The following CSMD1 variants were observed in gnomAD, a reference collection of about 807,000 sequenced individuals.
CSMD1 encodes CUB and Sushi multiple domains 1.
CSMD1 carries 213 observed loss-of-function variants against 417.5 expected under a neutral mutation model. The observed-to-expected ratio is 0.51, with a 90% CI of 0.46 to 0.57. The LOEUF is 0.57. Ranked by LOEUF, CSMD1 falls within the 20% of genes least tolerant of loss-of-function variation. CSMD1 has a pLI of 0.00. For synonymous variants in CSMD1, 2,862 were observed against 1,736.8 expected (o/e 1.65, Z -16.11); for missense variants, 6,923 against 4,529.7 (o/e 1.53, Z -15.17).
At chr8:3,795,914 ATATAGATATC>A (rs1800065857) in intron 5 of CSMD1, among the ~76,000 whole-genome samples, 1 of 50,208 alleles carries the variant, frequency 2.0e-5, no homozygotes. Context: ...TCATGTACAG[ATATAGATATC>A]TATCATGTAC....
chr8:4,789,549 A>G (rs1430442532), intron 1 of CSMD1, among the ~76,000 whole-genome samples: 1 of 152,180 alleles, frequency 6.6e-6, no homozygotes, highest in Non-Finnish European at 1.5e-5. Flanking sequence ...GGGATCTACC[A>G]CCAAAGCTTT....
intron 33 of CSMD1, among the ~76,000 whole-genome samples, chr8:3,194,779 A>T (rs1158645876): frequency 6.6e-6 from 1 of 151,974 alleles, no homozygotes; most frequent in Non-Finnish European, 1.5e-5. Context: ...CTAATTAACT[A>T]TATTTCCATG....
At chr8:3,286,468 C>G (rs978932707) in intron 25 of CSMD1, among the ~76,000 whole-genome samples, 8 of 152,110 alleles carry the variant, frequency 5.3e-5, no homozygotes, top group Non-Finnish European at 1.2e-4. Flanking sequence ...TCCTATTTCT[C>G]CACATCCTCT....
At chr8:3,632,819 G>C (rs1003634974) in intron 7 of CSMD1, among the ~76,000 whole-genome samples, 10 of 152,174 alleles carry the variant, frequency 6.6e-5, no homozygotes, top group Non-Finnish European at 8.8e-5. Flanking sequence ...AGACATCTGT[G>C]TCTATTGGTT....
chr8:3,891,351 G>T lies in CSMD1; in HGVS notation c.818+106552C>A, dbSNP rs560872369. On this transcript the variant is annotated intron_variant, in intron 5 of 69. Transcript: ENST00000635120. ...AGGCGTGAGCCACCGCGCCTATCCT[G>T]AGCAGGTTCTTGAAATTAGGTCAAT... Among the ~76,000 whole-genome samples the T allele has an allele frequency of 9.9e-5, 15 of 152,178 alleles. No individual in the cohort carries two copies. In the South Asian group the frequency reaches 3.1e-3, roughly 32 times the overall value.
At chr8:3,490,568 G>A (rs755167961) in intron 11 of CSMD1, among the ~76,000 whole-genome samples, 6 of 152,096 alleles carry the variant, frequency 3.9e-5, no homozygotes, top group Admixed American at 6.5e-5. Flanking sequence ...GTGTTTGCAT[G>A]CATTATTTCA....
rs567893428 is a variant in CSMD1, at chr8:4,640,373, G to A, written c.86-2815C>T. On this transcript the variant is annotated intron_variant, in intron 1 of 69. Coordinates refer to ENST00000635120, the MANE Select transcript of CSMD1 (RefSeq NM_033225.6). ...TGTATTTGGTCTGCAACTTAATACTGCATCTTATTATAAAGCCACCGTGAT... is the reference window on the plus strand; with the variant it reads ...TGTATTTGGTCTGCAACTTAATACTACATCTTATTATAAAGCCACCGTGAT... Among the ~76,000 whole-genome samples, 11 of 152,274 alleles carry A rather than the reference G, an allele frequency of 7.2e-5. No individual in the cohort carries two copies. The South Asian group carries it at 1.9e-3, about 26-fold the overall frequency.
intron 4 of CSMD1, among the ~76,000 whole-genome samples, chr8:4,016,777 G>T (rs1235232712): frequency 1.3e-5 from 2 of 152,202 alleles, no homozygotes; most frequent in Non-Finnish European, 2.9e-5. Context: ...AAGTTTATGT[G>T]TATAGTTGGG....
chr8:4,877,964 A>G (rs1338634112), intron 1 of CSMD1, among the ~76,000 whole-genome samples: 1 of 152,084 alleles, frequency 6.6e-6, no homozygotes, highest in Non-Finnish European at 1.5e-5. Context: ...CTATAATCCA[A>G]ACACATATGT....
chr8:4,073,635 A>G (rs558185419), intron 3 of CSMD1, among the ~76,000 whole-genome samples: 87 of 152,258 alleles, frequency 5.7e-4, no homozygotes, highest in African/African-American at 2.0e-3. Context: ...AATTTTAATG[A>G]ATTTATTCTG....
chr8:3,698,162 G>A (rs1800660014), intron 7 of CSMD1, among the ~76,000 whole-genome samples: 1 of 152,142 alleles, frequency 6.6e-6, no homozygotes, highest in African/African-American at 2.4e-5. Context: ...CTAGACAGCA[G>A]TCCCCTTCAC....
intron 5 of CSMD1, among the ~76,000 whole-genome samples, chr8:3,892,039 A>G (rs1423694529): frequency 6.6e-6 from 1 of 152,172 alleles, no homozygotes; most frequent in African/African-American, 2.4e-5. Flanking sequence ...AAAAAAAAAA[A>G]TTAAGGAAAG....
At position 3,396,264 on chromosome 8, in the gene CSMD1, C is replaced by T. The variant is rs750101271; in HGVS notation, c.2523G>A (p.Gly841=). The T allele has an allele frequency of 3.1e-6, 5 of 1,588,544 alleles. No individual in the cohort carries two copies. The highest frequency in any genetic ancestry group is 2.3e-5 in the South Asian group (2 of 86,920). The part of the protein sequence containing the change: ...TQAPQFLIST[G]NFMYLLFTTD... ...TGGTGAACAGCAGGTACATGAAGTTCCCGGTGCTGATGAGGAACTGGGGTG... is the reference window on the plus strand; with the variant it reads ...TGGTGAACAGCAGGTACATGAAGTTTCCGGTGCTGATGAGGAACTGGGGTG... Residue 841 remains glycine (G), a synonymous_variant, in exon 17 of 70, where the codon GGG becomes GGA. Transcript: ENST00000635120.
intron 3 of CSMD1, among the ~76,000 whole-genome samples, chr8:4,176,350 A>G (rs1013611940): frequency 1.2e-4 from 19 of 152,158 alleles, no homozygotes; most frequent in African/African-American, 4.6e-4. Flanking sequence ...TTGAAAATAA[A>G]TTAGTATGAC....
chr8:4,411,544 T>C (rs570103303), intron 3 of CSMD1, among the ~76,000 whole-genome samples: 1 of 152,330 alleles, frequency 6.6e-6, no homozygotes, highest in African/African-American at 2.4e-5. Flanking sequence ...CTCTATAGTA[T>C]TCATTAATTA....
At chr8:3,563,755 G>T (rs967637380) in intron 10 of CSMD1, among the ~76,000 whole-genome samples, 2 of 152,002 alleles carry the variant, frequency 1.3e-5, no homozygotes, top group African/African-American at 2.4e-5. Flanking sequence ...TAGGTGTGGT[G>T]GTAGGCATCT....
chr8:4,388,878 G>A (rs1157002776), intron 3 of CSMD1, among the ~76,000 whole-genome samples: 13 of 152,018 alleles, frequency 8.6e-5, no homozygotes, highest in African/African-American at 2.9e-4. Context: ...CAGCTGAAAC[G>A]TCTCCTCTTC....
intron 18 of CSMD1, among the ~76,000 whole-genome samples, chr8:3,371,504 T>C (rs1809945368): frequency 6.6e-6 from 1 of 152,004 alleles, no homozygotes; most frequent in African/African-American, 2.4e-5. Context: ...ATGCCCACAT[T>C]CTGTGCATGT....
chr8:3,408,943 G>C (rs184889432), intron 13 of CSMD1, among the ~76,000 whole-genome samples: 15 of 151,920 alleles, frequency 9.9e-5, no homozygotes, highest in Admixed American at 2.0e-4. Context: ...CTTTAAAATC[G>C]ACTGTGAAGC....
Sources: allele counts gnomAD v4.1 joint callset (sites outside exome capture counted in the v4.1 genomes callset), GRCh38; gene constraint gnomAD v4.1.1; transcripts MANE v1.5; gene names NCBI Gene and HGNC (gene_info 2026-07-23, HGNC 2026-07-21).